Variants in LRIG3 observed in about 807,000 individuals in gnomAD.
The protein encoded by LRIG3 is leucine rich repeats and immunoglobulin like domains 3, also known as leucine-rich repeats and immunoglobulin-like domains protein 3.
LRIG3 carries 76 observed loss-of-function variants against 114.5 expected under a neutral mutation model. That is an observed-to-expected ratio of 0.66 (90% CI 0.55 to 0.80). LRIG3 has a LOEUF of 0.80. Ranked by LOEUF, LRIG3 falls within the 30% of genes least tolerant of loss-of-function variation. The probability of loss-of-function intolerance (pLI) is 0.00; values close to 1 mark genes in which losing one functional copy is unlikely to be tolerated. For missense variants in LRIG3, 1,239 were observed against 1,382.8 expected (o/e 0.90, Z 1.65); for synonymous variants, 512 against 519.8 (o/e 0.98, Z 0.20).
chr12:58,910,690 T>G (rs763339115), intron 3 of LRIG3, among the ~76,000 whole-genome samples: 2 of 152,186 alleles, frequency 1.3e-5, no homozygotes, highest in Non-Finnish European at 2.9e-5. Flanking sequence ...TCTTCAACTC[T>G]AGGACACCAG....
intron 1 of LRIG3, chr12:58,914,635 C>T (rs2120989307): frequency 3.3e-6 from 1 of 298,530 alleles, no homozygotes; most frequent in East Asian, 6.2e-5. Flanking sequence ...TTCACCCTCC[C>T]ATCTCCCCAC....
chr12:58,904,736 A>G (rs1391331338), intron 3 of LRIG3, among the ~76,000 whole-genome samples: 1 of 152,216 alleles, frequency 6.6e-6, no homozygotes, highest in Non-Finnish European at 1.5e-5. Context: ...GGACTAAGCC[A>G]TCCATTCATT....
At chr12:58,875,049 A>G (rs1870869143) in intron 16 of LRIG3, among the ~76,000 whole-genome samples, 1 of 152,216 alleles carries the variant, frequency 6.6e-6, no homozygotes, top group African/African-American at 2.4e-5. Context: ...TGATATCATC[A>G]GGGTTAGAGA....
At chr12:58,891,385 G>C (rs905740718) in intron 3 of LRIG3, among the ~76,000 whole-genome samples, 1 of 152,104 alleles carries the variant, frequency 6.6e-6, no homozygotes, top group African/African-American at 2.4e-5. Flanking sequence ...TAGGATTACA[G>C]GTGTGAGCCA....
At position 58,874,259 on chromosome 12, in the gene LRIG3, A is replaced by G. The variant is rs143823251; in HGVS notation, c.2911T>C (p.Tyr971His). Residue 971 changes from tyrosine (Y) to histidine (H), a missense_variant, in exon 18 of 19, where the codon TAC becomes CAC. Transcript: ENST00000320743. ...TCTTCTGAAGGATGAGAACATGGGT[A>G]GCACTCCTTTTTCTTTATGTAACTG... ...EPSYIKKKEC[Y>H]PCSHPSEESC... 3.7e-6 allele frequency: 6 copies of G among 1,614,050 alleles called. No homozygotes were observed. Among genetic ancestry groups the G allele is most frequent in the Admixed American group, 3.3e-5 (2 of 60,002 alleles).
intron 3 of LRIG3, 72 bp downstream of exon 3, chr12:58,913,910 G>T: frequency 1.6e-6 from 2 of 1,288,202 alleles, no homozygotes; most frequent in Non-Finnish European, 1.1e-6. Flanking sequence ...AGATCTCTAT[G>T]CTAGTCCCTA....
In LRIG3 at chr12:58,878,771, G is replaced by A. The variant is rs1871015258; in HGVS notation, c.2083+53C>T. 3.2e-6 allele frequency: 5 copies of A among 1,553,584 alleles called. No individual in the cohort carries two copies. The South Asian group carries it at 4.8e-5, about 15-fold the overall frequency. On this transcript the variant is annotated intron_variant, in intron 14 of 18. Coordinates refer to ENST00000320743, the MANE Select transcript of LRIG3 (RefSeq NM_153377.5). ...TCTGATACTTAGGGACCTTGGATGA[G>A]CTAGTATCTTCAAGACTGATTTATA...
intron 18 of LRIG3, 119 bp from the exon 19 acceptor site, chr12:58,872,935 TC>T: frequency 7.3e-7 from 1 of 1,365,146 alleles, no homozygotes; most frequent in Non-Finnish European, 9.9e-7. Context: ...TTTCTACAAG[TC>T]CACATTATGG....
chr12:58,913,877 A>T, intron 3 of LRIG3, 105 bp downstream of exon 3: 1 of 1,009,058 alleles, frequency 9.9e-7, no homozygotes. Context: ...GCCCTGAAAA[A>T]AATATTCCAT....
chr12:58,918,609 C>T (rs1279529407), intron 1 of LRIG3, among the ~76,000 whole-genome samples: 2 of 152,166 alleles, frequency 1.3e-5, no homozygotes, highest in East Asian at 3.9e-4. Context: ...CACCTCCAGT[C>T]ATTTACATGT....
rs542423782 is a variant in LRIG3, at chr12:58,872,612, T to C, written c.3320A>G (p.Tyr1107Cys). The C allele has an allele frequency of 4.3e-6, 7 of 1,614,036 alleles. No individual in the cohort carries two copies. The highest frequency in any genetic ancestry group is 5.1e-6 in the Non-Finnish European group (6 of 1,179,958). Reference protein sequence around the residue: ...ICTFKQTLENYRTPNFQSYDL... With the variant: ...ICTFKQTLENCRTPNFQSYDL... ...ATAAGACTGAAAATTTGGAGTCCTG[T>C]AGTTTTCTAAAGTCTGTTTAAAGGT... The change falls in exon 19 of 19, where the codon TAC (tyrosine) becomes TGC (cysteine). Residue 1107 changes from tyrosine to cysteine, a missense_variant. Physicochemically the swap from Tyr to Cys is radical, Grantham distance 194. Transcript: ENST00000320743.
At chr12:58,888,692 C>A in intron 6 of LRIG3, 127 bp downstream of exon 6, 8 of 1,375,106 alleles carry the variant, frequency 5.8e-6, no homozygotes, top group Non-Finnish European at 6.9e-6. Flanking sequence ...AAACTGAATA[C>A]TGACTTATAA....
intron 3 of LRIG3, chr12:58,913,767 AGTGTAAAGT>A: frequency 2.0e-6 from 1 of 489,454 alleles, no homozygotes; most frequent in South Asian, 3.7e-5. Flanking sequence ...ACAACAGCAA[AGTGTAAAGT>A]GTGTTGTTAT....
chr12:58,919,371 C>T, intron 1 of LRIG3: 1 of 1,550,782 alleles, frequency 6.4e-7, no homozygotes, highest in African/African-American at 1.4e-5. Context: ...TCGAGTTCCG[C>T]CCTTTCCATA....
At chr12:58,878,300 T>G (rs1010879505) in intron 14 of LRIG3, among the ~76,000 whole-genome samples, 4 of 152,230 alleles carry the variant, frequency 2.6e-5, no homozygotes, top group Non-Finnish European at 5.9e-5. Context: ...CTTTTATTAT[T>G]TAGTATCTTA....
At chr12:58,916,244 A>G (rs78134975) in intron 1 of LRIG3, among the ~76,000 whole-genome samples, 12,158 of 152,192 alleles carry the variant, frequency 0.08, 603 homozygotes, top group Admixed American at 0.17. Context: ...ACCAGTGCAC[A>G]TGCTGGGGAC....
intron 10 of LRIG3, among the ~76,000 whole-genome samples, chr12:58,885,162 G>C (rs1326129564): frequency 6.6e-6 from 1 of 152,086 alleles, no homozygotes; most frequent in Non-Finnish European, 1.5e-5. Flanking sequence ...TCTGGGTTGC[G>C]TCCTGCTTCT....
chr12:58,886,916 TAGAGTGA>T (rs1467239658), intron 8 of LRIG3, 26 bp from the exon 9 acceptor site: 2 of 1,589,750 alleles, frequency 1.3e-6, no homozygotes, highest in African/African-American at 2.7e-5. Flanking sequence ...GCATTCCCTT[TAGAGTGA>T]TAAGCTCAGA....
chr12:58,882,493 A>T (rs940269256), intron 12 of LRIG3, among the ~76,000 whole-genome samples: 3 of 152,198 alleles, frequency 2.0e-5, no homozygotes, highest in Non-Finnish European at 4.4e-5. Context: ...TCTTTCATGT[A>T]AACCTCCCAA....
Sources: gnomAD v4.1 joint callset for allele counts (sites outside exome capture counted in the v4.1 genomes callset) on GRCh38, gnomAD v4.1.1 for gene constraint, MANE v1.5 for transcripts, NCBI Gene and HGNC (gene_info 2026-07-23, HGNC 2026-07-21) for gene names.